The following TUT4 variants were observed in gnomAD, a reference collection of about 807,000 sequenced individuals.
TUT4 encodes the protein terminal uridylyl transferase 4, also known as terminal uridylyltransferase 4.
In TUT4, 36 loss-of-function variants were observed where a neutral mutation model predicts 192.2. That is an observed-to-expected ratio of 0.19 (90% CI 0.14 to 0.25). The LOEUF (loss-of-function observed/expected upper bound fraction) is 0.25. Among genes scored for constraint, TUT4 ranks in the 10% least tolerant of loss-of-function variants. TUT4 has a pLI of 1.00. For synonymous variants in TUT4, 618 were observed against 666.0 expected (o/e 0.93, Z 1.11); for missense variants, 1,493 against 1,957.2 (o/e 0.76, Z 4.47).
At chr1:52,499,768 A>C (rs2149198912) in intron 4 of TUT4, among the ~76,000 whole-genome samples, 1 of 151,790 alleles carries the variant, frequency 6.6e-6, no homozygotes, top group African/African-American at 2.4e-5. Flanking sequence ...AGACATGTAG[A>C]CCAATGGAAT....
chr1:52,522,987 C>CTT (rs748149518), intron 2 of TUT4, among the ~76,000 whole-genome samples: 3,282 of 89,536 alleles, frequency 0.037, 308 homozygotes, highest in East Asian at 0.074. Context: ...CCTTAACTAT[C>CTT]TTTTTTTTTT....
chr1:52,439,222 T>A (rs141207824), intron 24 of TUT4, among the ~76,000 whole-genome samples: 5 of 152,072 alleles, frequency 3.3e-5, no homozygotes, highest in Non-Finnish European at 5.9e-5. Context: ...GTGGCGAAAC[T>A]CTGTCTCTAA....
At chr1:52,518,785 T>C (rs889833256) in intron 2 of TUT4, among the ~76,000 whole-genome samples, 35 of 152,266 alleles carry the variant, frequency 2.3e-4, no homozygotes, top group African/African-American at 7.9e-4. Flanking sequence ...GAAAGTGTAT[T>C]AGTAGTTGCC....
chr1:52,429,793 C>T (rs1029215560), intron 28 of TUT4, among the ~76,000 whole-genome samples: 9 of 151,918 alleles, frequency 5.9e-5, no homozygotes, highest in Non-Finnish European at 1.0e-4. Context: ...AGAGTTTTGC[C>T]ATGCTGGCCA....
intron 1 of TUT4, among the ~76,000 whole-genome samples, chr1:52,547,566 C>T (rs1329889439): frequency 7.2e-5 from 11 of 152,102 alleles, no homozygotes; most frequent in Non-Finnish European, 1.5e-5. Flanking sequence ...CACACAAAAA[C>T]GTTTAACTAT....
chr1:52,529,003 A>G (rs769259988), intron 1 of TUT4, among the ~76,000 whole-genome samples: 1 of 152,102 alleles, frequency 6.6e-6, no homozygotes, highest in Non-Finnish European at 1.5e-5. Flanking sequence ...ATGAGCCACC[A>G]CACTTGGCCA....
chr1:52,493,800 G>GT, intron 6 of TUT4, 138 bp from the exon 7 acceptor site: 1 of 634,474 alleles, frequency 1.6e-6, no homozygotes, highest in Admixed American at 3.4e-5. Flanking sequence ...AAACAGAATC[G>GT]TGTTTTTTTT....
intron 1 of TUT4, among the ~76,000 whole-genome samples, chr1:52,535,759 G>T (rs543418851): frequency 1.7e-4 from 26 of 152,054 alleles, no homozygotes; most frequent in Non-Finnish European, 3.2e-4. Flanking sequence ...AAACCAAAGA[G>T]AACTTTGAAA....
chr1:52,533,063 T>C (rs1318772363), intron 1 of TUT4, among the ~76,000 whole-genome samples: 1 of 152,116 alleles, frequency 6.6e-6, no homozygotes, highest in African/African-American at 2.4e-5. Flanking sequence ...AGATTGGGAG[T>C]GGGTTCCAAT....
At chr1:52,541,317 A>G (rs1686594239) in intron 1 of TUT4, among the ~76,000 whole-genome samples, 2 of 152,170 alleles carry the variant, frequency 1.3e-5, no homozygotes, top group African/African-American at 4.8e-5. Context: ...GGATTACCTG[A>G]AGTCAGGAGT....
At chr1:52,454,528 A>G (rs1660332014) in intron 20 of TUT4, among the ~76,000 whole-genome samples, 1 of 152,248 alleles carries the variant, frequency 6.6e-6, no homozygotes, top group Non-Finnish European at 1.5e-5. Flanking sequence ...ATCCACACGC[A>G]AAACAATGAA....
At chr1:52,457,064 A>G (rs1051672782) in intron 20 of TUT4, among the ~76,000 whole-genome samples, 5 of 152,182 alleles carry the variant, frequency 3.3e-5, no homozygotes, top group African/African-American at 7.2e-5. Context: ...ACATCACCCA[A>G]CACAGATTCA....
intron 8 of TUT4, among the ~76,000 whole-genome samples, chr1:52,489,807 T>C (rs1452913512): frequency 6.6e-6 from 1 of 152,248 alleles, no homozygotes. Context: ...CCCATTTTTC[T>C]AGTTTAGAAA....
At chr1:52,433,391 G>A (rs977296534) in intron 27 of TUT4, 1 of 152,028 alleles carries the variant, frequency 6.6e-6, no homozygotes, top group African/African-American at 2.4e-5. Flanking sequence ...AGAAACAACA[G>A]GACTTAGTGA....
At chr1:52,494,457 C>T (rs1254799510) in intron 6 of TUT4, among the ~76,000 whole-genome samples, 3 of 151,998 alleles carry the variant, frequency 2.0e-5, no homozygotes, top group Admixed American at 1.3e-4. Context: ...ATTGGGAGGC[C>T]GAGGCAGGCG....
At chr1:52,528,101 C>T (rs907183258) in intron 1 of TUT4, among the ~76,000 whole-genome samples, 3 of 151,476 alleles carry the variant, frequency 2.0e-5, no homozygotes, top group Non-Finnish European at 4.4e-5. Flanking sequence ...ATTGCTTGAA[C>T]CCGGGAAGCG....
In TUT4 at chr1:52,493,809, T is replaced by G. The variant is rs1049223666; in HGVS notation, c.1267-147A>C. The G allele has an allele frequency of 4.0e-5, 25 of 622,022 alleles. 1 individual carries two copies. In the East Asian group the frequency reaches 7.5e-4, roughly 19 times the overall value. 38.5% of individuals were successfully genotyped at this position (622,022 alleles called of 1,614,324 possible). ...TAGTGAAAACAGAATCGTGTTTTTT[T>G]TTTGTTTTTTTTTGAGATGAGGTTT... On this transcript the variant is annotated intron_variant, in intron 6 of 29. Transcript: ENST00000257177.
chr1:52,549,475 C>T (rs76655171), intron 1 of TUT4, among the ~76,000 whole-genome samples: 3,319 of 152,186 alleles, frequency 0.022, 107 homozygotes, highest in African/African-American at 0.074. Flanking sequence ...CTCCTACTCA[C>T]CCTTCAAGAG....
In TUT4 at chr1:52,425,460, G is replaced by A. The variant is rs753778701; in HGVS notation, c.4759C>T (p.Pro1587Ser). Reference sequence around the variant, plus strand: ...GGGACAAGGGGGAAATGGGGACGCGGTGCATGTTCCCAAGGAATTGGAGGA... The same window carrying A: ...GGGACAAGGGGGAAATGGGGACGCGATGCATGTTCCCAAGGAATTGGAGGA... Reference protein sequence around the residue: ...LTPPIPWEHAPRPHFPLVPAS... With the variant: ...LTPPIPWEHASRPHFPLVPAS... Residue 1587 changes from proline (P) to serine (S), a missense_variant, in exon 29 of 30, where the codon CCG becomes TCG. Around this residue, in one of 7 missense-constraint regions of TUT4, gnomAD observed 351 missense variants for 397.8 expected, o/e 0.88. Transcript: ENST00000257177. 3 of 1,614,048 alleles carry A rather than the reference G, an allele frequency of 1.9e-6. No homozygotes were observed. In the Admixed American group the frequency reaches 5.0e-5, roughly 27 times the overall value.
Sources: gnomAD v4.1 joint callset for allele counts (sites outside exome capture counted in the v4.1 genomes callset) on GRCh38, gnomAD v4.1.1 for gene constraint, gnomAD v4.1.1 regional missense constraint, MANE v1.5 for transcripts, NCBI Gene and HGNC (gene_info 2026-07-23, HGNC 2026-07-21) for gene names.